FOXN3: variants seen among roughly 807,000 people sequenced by gnomAD.
FOXN3 encodes the protein forkhead box protein N3.
FOXN3 carries 7 observed loss-of-function variants against 38.4 expected under a neutral mutation model. That is an observed-to-expected ratio of 0.18 (90% confidence interval 0.10 to 0.34). The LOEUF (loss-of-function observed/expected upper bound fraction) is 0.34. FOXN3 is among the 10% of genes least tolerant of loss of function. The pLI is 1.00. For synonymous variants in FOXN3, 230 were observed against 242.2 expected (o/e 0.95, Z 0.47); for missense variants, 456 against 613.4 (o/e 0.74, Z 2.71).
intron 1 of FOXN3, among the ~76,000 whole-genome samples, chr14:89,441,286 C>T (rs1222203378): frequency 3.9e-5 from 6 of 152,188 alleles, no homozygotes; most frequent in African/African-American, 7.2e-5. Flanking sequence ...TTCACTAACA[C>T]CAGTCTCTCC....
At chr14:89,273,183 T>C (rs1304584221) in intron 4 of FOXN3, among the ~76,000 whole-genome samples, 1 of 152,252 alleles carries the variant, frequency 6.6e-6, no homozygotes, top group African/African-American at 2.4e-5. Context: ...AGCTCATCTA[T>C]GCCCATAACC....
intron 2 of FOXN3, among the ~76,000 whole-genome samples, chr14:89,402,820 A>G (rs1372262580): frequency 3.3e-5 from 5 of 152,240 alleles, no homozygotes; most frequent in Admixed American, 1.3e-4. Context: ...CTTTCATGTA[A>G]TGGAGAAATA....
At chr14:89,374,247 G>T (rs952198623) in intron 2 of FOXN3, among the ~76,000 whole-genome samples, 1 of 104,266 alleles carries the variant, frequency 9.6e-6, no homozygotes, top group Non-Finnish European at 1.7e-5. Flanking sequence ...CAGGGCAACA[G>T]AGTGAGACCT....
chr14:89,297,737 G>A (rs1272841738), intron 3 of FOXN3, among the ~76,000 whole-genome samples: 2 of 152,094 alleles, frequency 1.3e-5, no homozygotes, highest in African/African-American at 4.8e-5. Flanking sequence ...CAGCATTTTG[G>A]GAGGCCAAGG....
At chr14:89,362,431 A>T (rs200545431) in intron 2 of FOXN3, among the ~76,000 whole-genome samples, 1 of 23,882 alleles carries the variant, frequency 4.2e-5, no homozygotes, top group African/African-American at 1.3e-4. Flanking sequence ...CTCCACCACC[A>T]CCACCACCAC....
intron 4 of FOXN3, among the ~76,000 whole-genome samples, chr14:89,255,449 G>A (rs142402723): frequency 8.5e-5 from 13 of 152,072 alleles, no homozygotes; most frequent in African/African-American, 2.9e-4. Flanking sequence ...GGTGTCAGAC[G>A]CAACAGTACT....
chr14:89,273,873 GCC>G (rs1346721306), intron 4 of FOXN3, among the ~76,000 whole-genome samples: 1 of 152,224 alleles, frequency 6.6e-6, no homozygotes, highest in African/African-American at 2.4e-5. Context: ...GCCTCTGCAG[GCC>G]CAAAGAGGAC....
chr14:89,480,403 C>CAA (rs11306346), intron 1 of FOXN3, among the ~76,000 whole-genome samples: 14 of 144,892 alleles, frequency 9.7e-5, no homozygotes, highest in African/African-American at 1.8e-4. Context: ...AACTCTATCT[C>CAA]AAAAAAAAAA....
At chr14:89,267,494 G>T (rs1886020481) in intron 4 of FOXN3, among the ~76,000 whole-genome samples, 1 of 152,184 alleles carries the variant, frequency 6.6e-6, no homozygotes, top group South Asian at 2.1e-4. Context: ...AAGTGAGGTA[G>T]CAGAAACTCA....
intron 4 of FOXN3, among the ~76,000 whole-genome samples, chr14:89,238,136 C>G (rs1259483997): frequency 6.6e-6 from 1 of 152,236 alleles, no homozygotes; most frequent in African/African-American, 2.4e-5. Flanking sequence ...AAATTCCCAT[C>G]CTTGTATACT....
chr14:89,284,915 T>A (rs962310766), intron 3 of FOXN3, among the ~76,000 whole-genome samples: 9 of 152,086 alleles, frequency 5.9e-5, no homozygotes, highest in African/African-American at 2.2e-4. Flanking sequence ...GACTCAGCCC[T>A]CAGTAATTCC....
intron 1 of FOXN3, among the ~76,000 whole-genome samples, chr14:89,431,660 T>C (rs149730672): frequency 6.4e-4 from 97 of 152,344 alleles, no homozygotes; most frequent in African/African-American, 2.3e-3. Context: ...CACAGCAAAC[T>C]TGAGTGGGAG....
At chr14:89,443,082 A>T (rs527402532) in intron 1 of FOXN3, among the ~76,000 whole-genome samples, 16 of 152,356 alleles carry the variant, frequency 1.1e-4, no homozygotes, top group Non-Finnish European at 2.1e-4. Flanking sequence ...AGCAAAATGG[A>T]GCCCAGCAAG....
chr14:89,247,995 T>A (rs762253933), intron 4 of FOXN3, among the ~76,000 whole-genome samples: 4 of 152,206 alleles, frequency 2.6e-5, no homozygotes, highest in Non-Finnish European at 5.9e-5. Flanking sequence ...GGTGGCACAA[T>A]TGCACCTTCT....
intron 2 of FOXN3, among the ~76,000 whole-genome samples, chr14:89,381,278 G>A (rs77108628): frequency 0.016 from 2,355 of 151,342 alleles, 75 homozygotes; most frequent in African/African-American, 0.055. Flanking sequence ...AATAATAATT[G>A]TCTACTGTGG....
Position 89,334,839 on chromosome 14 carries a change from C to T in FOXN3, c.680+15833G>A, listed in dbSNP as rs181274036. Among the ~76,000 whole-genome samples the T allele has an allele frequency of 5.3e-3, 813 of 152,148 alleles. 7 individuals carry two copies. The highest frequency in any genetic ancestry group is 0.019 in the African/African-American group (782 of 41,510). ...CTGGAGTGCAATGGTGCGATCTCAGCTCACTGCAACCTCCGCCTCGCAGGT... is the reference window on the plus strand; with the variant it reads ...CTGGAGTGCAATGGTGCGATCTCAGTTCACTGCAACCTCCGCCTCGCAGGT... On this transcript the variant is annotated intron_variant, in intron 3 of 5. Coordinates refer to ENST00000557258, the MANE Select transcript of FOXN3 (RefSeq NM_005197.4).
chr14:89,470,294 T>TAA (rs11461203), intron 1 of FOXN3, among the ~76,000 whole-genome samples: 14 of 148,144 alleles, frequency 9.5e-5, no homozygotes, highest in African/African-American at 3.2e-4. Flanking sequence ...TCTGACTTTC[T>TAA]AAAAAAAAAA....
At chr14:89,217,585 T>C (rs1159515395) in intron 4 of FOXN3, among the ~76,000 whole-genome samples, 1 of 152,256 alleles carries the variant, frequency 6.6e-6, no homozygotes, top group Non-Finnish European at 1.5e-5. Flanking sequence ...GGCAACCCAC[T>C]TCACTTCTCT....
chr14:89,411,128 T>A (rs569995686), intron 2 of FOXN3, among the ~76,000 whole-genome samples: 1 of 152,160 alleles, frequency 6.6e-6, no homozygotes, highest in South Asian at 2.1e-4. Flanking sequence ...CAAACCCTAC[T>A]GTGAACTGTG....
Sources: gnomAD v4.1 joint callset for allele counts (sites outside exome capture counted in the v4.1 genomes callset) on GRCh38, gnomAD v4.1.1 for gene constraint, MANE v1.5 for transcripts, NCBI Gene and HGNC (gene_info 2026-07-23, HGNC 2026-07-21) for gene names.